The following PSMA1 variants were observed in gnomAD, a reference collection of about 807,000 sequenced individuals.
PSMA1 encodes the protein proteasome subunit alpha type-1.
Under a neutral mutation model 38.4 loss-of-function variants are expected in PSMA1, and 3 were observed. The ratio of observed to expected loss-of-function variants is 0.08; its 90% CI spans 0.04 to 0.20. The LOEUF is 0.20. PSMA1 is among the 10% of genes least tolerant of loss of function. The pLI, the probability that PSMA1 is intolerant of heterozygous loss-of-function variation, is 1.00. For missense variants in PSMA1, 227 were observed against 325.3 expected (o/e 0.70, Z 2.32); for synonymous variants, 101 against 107.1 (o/e 0.94, Z 0.35).
chr11:14,507,689 T>G lies in PSMA1; in HGVS notation c.702A>C (p.Glu234Asp). The G allele has an allele frequency of 6.2e-7, 1 of 1,612,448 alleles. No homozygotes were observed. Among genetic ancestry groups the G allele is most frequent in the African/African-American group, 1.3e-5 (1 of 74,958 alleles). The part of the protein sequence containing the change: ...YDDDDVSPFL[E>D]GLEERPQRKA... ...TTCTCTGTGGTCTTTCTTCAAGACC[T>G]TCCAGGAATGGAGACACATCATCAT... is the stretch of plus-strand genomic sequence containing the variant. Residue 234 changes from glutamate (E) to aspartate (D), a missense_variant, in exon 9 of 10, where the codon GAA becomes GAC. By Grantham distance (45) the Glu-to-Asp change is conservative (BLOSUM62 2). Coordinates refer to ENST00000396394, the MANE Select transcript of PSMA1 (RefSeq NM_002786.4).
intron 1 of PSMA1, 159 bp downstream of exon 1, chr11:14,520,138 G>A (rs1851503955): frequency 8.4e-7 from 1 of 1,191,286 alleles, no homozygotes; most frequent in South Asian, 1.3e-5. Flanking sequence ...AGCCCGGCCA[G>A]GCCGGAGATG....
At chr11:14,552,817 T>C (rs1403851474) in intron 2 of PSMA1, among the ~76,000 whole-genome samples, 1 of 144,372 alleles carries the variant, frequency 6.9e-6, no homozygotes, top group African/African-American at 2.6e-5. Context: ...AGAGCTTATA[T>C]AACTTTTTTT....
intron 1 of PSMA1, among the ~76,000 whole-genome samples, chr11:14,620,384 G>C (rs16930397): frequency 0.018 from 2,814 of 152,276 alleles, 84 homozygotes; most frequent in African/African-American, 0.065. Context: ...AAAGGCCACA[G>C]CAGTGTTGGG....
At chr11:14,606,799 A>G (rs1852649014) in intron 2 of PSMA1, among the ~76,000 whole-genome samples, 1 of 152,238 alleles carries the variant, frequency 6.6e-6, no homozygotes, top group African/African-American at 2.4e-5. Context: ...CTCCACTGGA[A>G]TTCTGTATCA....
At chr11:14,589,328 G>GAT (rs143979548) in intron 2 of PSMA1, among the ~76,000 whole-genome samples, 136 of 148,398 alleles carry the variant, frequency 9.2e-4, no homozygotes, top group East Asian at 7.1e-3. Flanking sequence ...CATTAGGGAA[G>GAT]ATATATATAT....
intron 2 of PSMA1, among the ~76,000 whole-genome samples, chr11:14,557,054 C>T (rs1851947696): frequency 1.3e-5 from 2 of 152,220 alleles, no homozygotes; most frequent in South Asian, 2.1e-4. Flanking sequence ...AGACCAGTCT[C>T]AAACTCCTGG....
chr11:14,563,552 A>C (rs2134174246), intron 2 of PSMA1, among the ~76,000 whole-genome samples: 1 of 152,348 alleles, frequency 6.6e-6, no homozygotes, highest in South Asian at 2.1e-4. Context: ...GACTGAAGTG[A>C]CTAATTATTT....
intron 2 of PSMA1, among the ~76,000 whole-genome samples, chr11:14,603,438 A>C (rs940899787): frequency 3.3e-5 from 5 of 152,220 alleles, no homozygotes; most frequent in Non-Finnish European, 7.3e-5. Context: ...ATTTCTTTCA[A>C]GCAAAGGACC....
chr11:14,549,427 C>T (rs1197428209), intron 2 of PSMA1, among the ~76,000 whole-genome samples: 11 of 151,936 alleles, frequency 7.2e-5, no homozygotes, highest in African/African-American at 1.9e-4. Context: ...CTTGGCCGGG[C>T]GTGGTGGCTC....
chr11:14,622,127 T>C (rs1456923776), intron 1 of PSMA1, among the ~76,000 whole-genome samples: 1 of 152,084 alleles, frequency 6.6e-6, no homozygotes, highest in Non-Finnish European at 1.5e-5. Flanking sequence ...CTTTCAGGAG[T>C]TCGGAGTCAA....
chr11:14,556,673 T>A (rs1565043908), intron 2 of PSMA1, among the ~76,000 whole-genome samples: 1 of 152,116 alleles, frequency 6.6e-6, no homozygotes, highest in Admixed American at 6.6e-5. Flanking sequence ...TGAGAAAAAA[T>A]TTTTTTGACA....
In PSMA1 at chr11:14,615,155, A is replaced by T. The variant is rs1265237565; in HGVS notation, c.-165-4004T>A. Among the ~76,000 whole-genome samples the T allele has an allele frequency of 2.0e-5, 3 of 152,152 alleles. No homozygotes were observed. In the East Asian group the frequency reaches 5.8e-4, roughly 29 times the overall value. On this transcript the variant is annotated intron_variant, in intron 1 of 10. Coordinates refer to the PSMA1 transcript ENST00000418988. The stretch of plus-strand genomic sequence containing the variant: ...TCCTTTTGCCTAAAATGTCTTATTC[A>T]CTTCTCTATTTGGTAAACCCCTACT...
At chr11:14,563,370 C>T (rs934213115) in intron 2 of PSMA1, among the ~76,000 whole-genome samples, 1 of 152,168 alleles carries the variant, frequency 6.6e-6, no homozygotes, top group Non-Finnish European at 1.5e-5. Flanking sequence ...GTACCTTTAC[C>T]ATTTTCCTCT....
At chr11:14,552,998 T>A (rs1851903689) in intron 2 of PSMA1, among the ~76,000 whole-genome samples, 1 of 151,936 alleles carries the variant, frequency 6.6e-6, no homozygotes, top group Non-Finnish European at 1.5e-5. Context: ...GCTAACTTTT[T>A]ACTTTTTGTA....
At chr11:14,521,022 A>G (rs1032535313), upstream of PSMA1, among the ~76,000 whole-genome samples, 1 of 147,706 alleles carries the variant, frequency 6.8e-6, no homozygotes, top group African/African-American at 2.5e-5. Flanking sequence ...ATGTCTTTCT[A>G]TGCCCCCAAA....
chr11:14,546,350 A>G (rs567818222), intron 2 of PSMA1, among the ~76,000 whole-genome samples: 1 of 152,148 alleles, frequency 6.6e-6, no homozygotes, highest in African/African-American at 2.4e-5. Flanking sequence ...ATACAACCAT[A>G]TACAGCAAAT....
intron 2 of PSMA1, among the ~76,000 whole-genome samples, chr11:14,599,615 T>C (rs1043664863): frequency 1.3e-5 from 2 of 152,200 alleles, no homozygotes; most frequent in Non-Finnish European, 2.9e-5. Context: ...TTCTCTCTGC[T>C]GTTTATTCTA....
At chr11:14,638,571 A>T (rs1590019669) in intron 1 of PSMA1, among the ~76,000 whole-genome samples, 4 of 12,504 alleles carry the variant, frequency 3.2e-4, no homozygotes, top group Admixed American at 1.4e-3. Context: ...ATATATATAT[A>T]TATATATATA....
At chr11:14,630,173 T>C (rs999553950) in intron 1 of PSMA1, among the ~76,000 whole-genome samples, 1 of 152,158 alleles carries the variant, frequency 6.6e-6, no homozygotes, top group Non-Finnish European at 1.5e-5. Context: ...TCCTGCCTAA[T>C]TGCCCTGGCC....
Sources: gnomAD v4.1 joint callset for allele counts (sites outside exome capture counted in the v4.1 genomes callset) on GRCh38, gnomAD v4.1.1 for gene constraint, MANE v1.5 for transcripts, NCBI Gene and HGNC (gene_info 2026-07-23, HGNC 2026-07-21) for gene names.